The following PIP5K1B variants were observed in gnomAD, a reference collection of about 807,000 sequenced individuals.
The protein encoded by PIP5K1B is phosphatidylinositol 4-phosphate 5-kinase type-1 beta.
Under a neutral mutation model 67.0 loss-of-function variants are expected in PIP5K1B, and 42 were observed. The observed-to-expected ratio is 0.63, with a 90% confidence interval of 0.49 to 0.81. The LOEUF is 0.81. Among genes scored for constraint, PIP5K1B ranks in the 30% least tolerant of loss-of-function variants. PIP5K1B has a pLI of 0.00. For synonymous variants in PIP5K1B, 214 were observed against 231.4 expected (o/e 0.92, Z 0.68); for missense variants, 459 against 646.3 (o/e 0.71, Z 3.14).
At chr9:68,865,086 G>A (rs1035677371) in intron 5 of PIP5K1B, among the ~76,000 whole-genome samples, 2 of 152,080 alleles carry the variant, frequency 1.3e-5, no homozygotes, top group African/African-American at 2.4e-5. Context: ...CAGCTACCTC[G>A]TTTTGCTTTA....
chr9:68,917,543 T>C lies in PIP5K1B; in HGVS notation c.772-5T>C, dbSNP rs1460153024. On this transcript the variant is annotated splice_polypyrimidine_tract_variant and splice_region_variant and intron_variant, in intron 8 of 15. Coordinates refer to ENST00000265382, the MANE Select transcript of PIP5K1B (RefSeq NM_003558.4). ...ACTGGCTTCCTGGTTCTTTTTCTCATTCAGGTGCTAGAAAGCTTCAAGATC... is the reference window on the plus strand; with the variant it reads ...ACTGGCTTCCTGGTTCTTTTTCTCACTCAGGTGCTAGAAAGCTTCAAGATC... 2 of 1,610,914 alleles carry C rather than the reference T, an allele frequency of 1.2e-6. No individual in the cohort carries two copies. Among genetic ancestry groups the C allele is most frequent in the Middle Eastern group, 1.7e-4 (1 of 6,052 alleles).
At chr9:68,769,306 T>C (rs1382500651) in intron 2 of PIP5K1B, among the ~76,000 whole-genome samples, 1 of 152,186 alleles carries the variant, frequency 6.6e-6, no homozygotes, top group Non-Finnish European at 1.5e-5. Context: ...TTTTACATTT[T>C]CCAAGAGCAA....
intron 4 of PIP5K1B, among the ~76,000 whole-genome samples, chr9:68,826,622 G>A (rs993263558): frequency 1.3e-5 from 2 of 152,196 alleles, no homozygotes; most frequent in African/African-American, 2.4e-5. Context: ...TGCAAAAGAA[G>A]TGTAAGAACT....
intron 2 of PIP5K1B, among the ~76,000 whole-genome samples, chr9:68,810,026 G>T (rs1001124720): frequency 6.6e-6 from 1 of 152,312 alleles, no homozygotes; most frequent in Middle Eastern, 3.4e-3. Flanking sequence ...TAATAAAAAT[G>T]AATTCAAAAG....
At chr9:68,909,691 C>A (rs994856954) in intron 8 of PIP5K1B, among the ~76,000 whole-genome samples, 1 of 152,110 alleles carries the variant, frequency 6.6e-6, no homozygotes, top group Admixed American at 6.5e-5. Context: ...TGCGTTTTTT[C>A]TGTAAATGGA....
chr9:68,862,107 A>T (rs1823118662), intron 4 of PIP5K1B, among the ~76,000 whole-genome samples: 2 of 152,196 alleles, frequency 1.3e-5, no homozygotes, highest in Admixed American at 6.5e-5. Context: ...AAGCAAAGTG[A>T]TGAAATGATG....
At chr9:68,845,400 T>G (rs1162012644) in intron 4 of PIP5K1B, among the ~76,000 whole-genome samples, 3 of 152,078 alleles carry the variant, frequency 2.0e-5, no homozygotes, top group Admixed American at 6.5e-5. Context: ...GGGGGTTCTC[T>G]TTCATCCTAT....
chr9:68,996,180 T>G (rs1488330309), intron 15 of PIP5K1B, among the ~76,000 whole-genome samples: 1 of 152,238 alleles, frequency 6.6e-6, no homozygotes, highest in Non-Finnish European at 1.5e-5. Flanking sequence ...AATATCCTTT[T>G]AAGGATCCAT....
At chr9:68,767,379 A>C (rs1353982052) in intron 2 of PIP5K1B, among the ~76,000 whole-genome samples, 2 of 152,166 alleles carry the variant, frequency 1.3e-5, no homozygotes, top group Non-Finnish European at 2.9e-5. Context: ...GGATCACTTA[A>C]GGTCAGGAGT....
intron 14 of PIP5K1B, among the ~76,000 whole-genome samples, chr9:68,988,670 C>T (rs952579619): frequency 1.3e-5 from 2 of 151,924 alleles, no homozygotes; most frequent in African/African-American, 4.8e-5. Flanking sequence ...AGGCTGCTGT[C>T]GAACTTCTGA....
intron 12 of PIP5K1B, among the ~76,000 whole-genome samples, chr9:68,933,941 A>G (rs760363106): frequency 9.9e-5 from 15 of 152,158 alleles, no homozygotes; most frequent in Non-Finnish European, 2.1e-4. Context: ...CCCAAGGCTA[A>G]ACACAATTAC....
chr9:69,000,027 A>G (rs78496277), intron 15 of PIP5K1B, among the ~76,000 whole-genome samples: 3,605 of 152,266 alleles, frequency 0.024, 140 homozygotes, highest in African/African-American at 0.083. Flanking sequence ...CCACCTTTCA[A>G]GTTGGACTGG....
intron 2 of PIP5K1B, among the ~76,000 whole-genome samples, chr9:68,758,955 A>T (rs1830066753): frequency 6.6e-6 from 1 of 152,170 alleles, no homozygotes; most frequent in Admixed American, 6.6e-5. Context: ...AAAACTACTA[A>T]GAGAAAATAA....
In PIP5K1B at chr9:68,768,243, C is replaced by T. The variant is rs75026047; in HGVS notation, c.-86+25586C>T. On this transcript the variant is annotated intron_variant, in intron 2 of 15. Coordinates refer to ENST00000265382, the MANE Select transcript of PIP5K1B (RefSeq NM_003558.4). ...GATGGATGGCTAGTTATAACTATGC[C>T]GGTGGGAAGAGAAGTGGGAAGAAAA... 1.1e-3 allele frequency among the ~76,000 whole-genome samples: 162 copies of T among 152,126 alleles called. 1 individual carries two copies. The highest frequency in any genetic ancestry group is 3.7e-3 in the African/African-American group (155 of 41,512).
At chr9:68,949,179 A>G (rs1827940490) in intron 14 of PIP5K1B, among the ~76,000 whole-genome samples, 1 of 152,166 alleles carries the variant, frequency 6.6e-6, no homozygotes, top group Admixed American at 6.5e-5. Context: ...CCTTGACTTA[A>G]AACACTAGTG....
chr9:68,932,159 T>C (rs775279318), intron 12 of PIP5K1B, among the ~76,000 whole-genome samples: 2 of 152,190 alleles, frequency 1.3e-5, no homozygotes, highest in Non-Finnish European at 2.9e-5. Flanking sequence ...CTGAGTATCT[T>C]TTCCTCATTA....
intron 5 of PIP5K1B, among the ~76,000 whole-genome samples, chr9:68,869,929 T>G (rs2132289562): frequency 6.6e-6 from 1 of 152,316 alleles, no homozygotes; most frequent in South Asian, 2.1e-4. Context: ...AGCTGCCAGC[T>G]TAGTCTTCTT....
At chr9:68,997,707 A>C (rs1191403237) in intron 15 of PIP5K1B, among the ~76,000 whole-genome samples, 11 of 152,208 alleles carry the variant, frequency 7.2e-5, no homozygotes, top group African/African-American at 2.7e-4. Flanking sequence ...TGGACCTCCC[A>C]TTGCCCGAGT....
intron 14 of PIP5K1B, among the ~76,000 whole-genome samples, chr9:68,975,927 T>C (rs1467756223): frequency 6.6e-6 from 1 of 152,244 alleles, no homozygotes; most frequent in African/African-American, 2.4e-5. Context: ...TGACCTCATC[T>C]TAACTAATTA....
Sources: gnomAD v4.1 joint callset for allele counts (sites outside exome capture counted in the v4.1 genomes callset) on GRCh38, gnomAD v4.1.1 for gene constraint, MANE v1.5 for transcripts, NCBI Gene and HGNC (gene_info 2026-07-23, HGNC 2026-07-21) for gene names.